Variants in JMJD1C observed in about 807,000 individuals in gnomAD.
JMJD1C encodes jumonji domain containing 1C.
Under a neutral mutation model 245.3 loss-of-function variants are expected in JMJD1C, and 31 were observed. That is an observed-to-expected ratio of 0.13 (90% CI 0.09 to 0.17). The LOEUF is 0.17. Among genes scored for constraint, JMJD1C ranks in the 10% least tolerant of loss-of-function variants. The pLI is 1.00. For missense variants in JMJD1C, 2,691 were observed against 3,000.2 expected, an observed-to-expected ratio of 0.90 and a Z score of 2.41; for synonymous variants, 1,057 against 1,017.4, an observed-to-expected ratio of 1.04 and a Z score of -0.74.
At chr10:63,170,424 G>T (rs1353989933) in intron 24 of JMJD1C, among the ~76,000 whole-genome samples, 6 of 152,212 alleles carry the variant, frequency 3.9e-5, no homozygotes, top group Admixed American at 2.6e-4. Flanking sequence ...GAGGGCTCCA[G>T]TCATCCATTT....
chr10:63,518,968 CAGTTG>C (rs748766606), intron 1 of JMJD1C, among the ~76,000 whole-genome samples: 3 of 152,204 alleles, frequency 2.0e-5, no homozygotes, highest in Non-Finnish European at 4.4e-5. Flanking sequence ...GATCACCCGC[CAGTTG>C]AGTTAACTTC....
At position 63,337,624 on chromosome 10, in the gene JMJD1C, AAAAAGAAAAG is replaced by A. The variant is rs1554892788; in HGVS notation, c.333+42684_333+42693del. ...AAAAGAAAAGAAAAGAAAAGAAAAG[AAAAAGAAAAG>A]AAAAAAAATCCGCTATTGTTCCTCA... On this transcript the variant is annotated intron_variant, in intron 2 of 25. Coordinates refer to ENST00000399262, the MANE Select transcript of JMJD1C (RefSeq NM_032776.3). Among the ~76,000 whole-genome samples the A allele has an allele frequency of 9.0e-4, 54 of 60,222 alleles. 2 individuals are homozygous for A. The highest frequency in any genetic ancestry group is 2.0e-3 in the African/African-American group (27 of 13,528). The allele number at this position is 60,222 out of a possible 152,430, so 39.5% of individuals were successfully genotyped here.
rs112188494 is a variant in JMJD1C at position 63,297,322 on chromosome 10, C to A, written c.334-32558G>T. Among the ~76,000 whole-genome samples the A allele has an allele frequency of 2.0e-5, 3 of 152,208 alleles. 1 individual carries two copies. The South Asian group carries it at 6.2e-4, about 32-fold the overall frequency. ...ATGGACCAGTCAGCATGCACTTCCT[C>A]CATTCTGAGCCTATAAAAACCCCGG... On this transcript the variant is annotated intron_variant, in intron 2 of 25. Coordinates refer to ENST00000399262, the MANE Select transcript of JMJD1C (RefSeq NM_032776.3).
intron 1 of JMJD1C, among the ~76,000 whole-genome samples, chr10:63,381,047 A>T (rs1283863868): frequency 6.6e-6 from 1 of 152,266 alleles, no homozygotes; most frequent in African/African-American, 2.4e-5. Flanking sequence ...ATGGGTAAAG[A>T]AAATGTGGTA....
intron 11 of JMJD1C, 39 bp from the exon 12 acceptor site, chr10:63,198,766 A>G: frequency 3.3e-6 from 4 of 1,199,366 alleles, no homozygotes; most frequent in Non-Finnish European, 4.7e-6. Flanking sequence ...GTACCCACAT[A>G]TTAAAACATA....
At chr10:63,301,002 G>A (rs1197434414) in intron 2 of JMJD1C, among the ~76,000 whole-genome samples, 1 of 152,032 alleles carries the variant, frequency 6.6e-6, no homozygotes. Context: ...TCCCAGGAAG[G>A]GCAATAAAAG....
chr10:63,352,425 G>T (rs1944439277), intron 2 of JMJD1C, among the ~76,000 whole-genome samples: 1 of 152,068 alleles, frequency 6.6e-6, no homozygotes, highest in Non-Finnish European at 1.5e-5. Flanking sequence ...ATCACTTGAG[G>T]CCAGGAGTTA....
At chr10:63,454,668 T>C (rs1301548598) in intron 1 of JMJD1C, among the ~76,000 whole-genome samples, 1 of 152,190 alleles carries the variant, frequency 6.6e-6, no homozygotes, top group African/African-American at 2.4e-5. Flanking sequence ...TGACCTCAAG[T>C]GATCCACCCA....
intron 2 of JMJD1C, among the ~76,000 whole-genome samples, chr10:63,330,672 T>C (rs1429249523): frequency 2.0e-5 from 3 of 152,188 alleles, no homozygotes; most frequent in African/African-American, 7.2e-5. Flanking sequence ...TTAGCCTACC[T>C]ATATCTCATT....
chr10:63,211,731 G>C (rs1035789961), intron 8 of JMJD1C, among the ~76,000 whole-genome samples: 1 of 140,798 alleles, frequency 7.1e-6, no homozygotes, highest in Non-Finnish European at 1.5e-5. Context: ...ATGACATTAA[G>C]ATGTTAAAAA....
chr10:63,482,170 A>T (rs935240753), intron 1 of JMJD1C, among the ~76,000 whole-genome samples: 10 of 152,148 alleles, frequency 6.6e-5, no homozygotes, highest in African/African-American at 2.2e-4. Flanking sequence ...GGAAAAAAAA[A>T]TTGGTTTCAT....
chr10:63,269,259 G>T, intron 2 of JMJD1C: 1 of 962,166 alleles, frequency 1.0e-6, no homozygotes, highest in Non-Finnish European at 1.2e-6. Context: ...AAGGGAAGAG[G>T]CGGTGCTCTG....
chr10:63,180,337 G>A (rs75018574), intron 22 of JMJD1C, among the ~76,000 whole-genome samples: 6 of 152,100 alleles, frequency 3.9e-5, no homozygotes, highest in East Asian at 1.9e-4. Context: ...TACTATGTGC[G>A]AGGCACTGTC....
At chr10:63,280,815 A>G (rs1435341051) in intron 2 of JMJD1C, among the ~76,000 whole-genome samples, 1 of 152,210 alleles carries the variant, frequency 6.6e-6, no homozygotes, top group East Asian at 1.9e-4. Context: ...TATTATTCAC[A>G]TGAACTGGCA....
At chr10:63,508,169 C>A (rs894144542) in intron 1 of JMJD1C, among the ~76,000 whole-genome samples, 1 of 152,162 alleles carries the variant, frequency 6.6e-6, no homozygotes, top group Non-Finnish European at 1.5e-5. Context: ...GGTGTAAGGT[C>A]TGTGTCTTGA....
intron 25 of JMJD1C, 43 bp from the exon 26 acceptor site, chr10:63,168,177 AAATT>A (rs749662144): frequency 3.6e-5 from 48 of 1,342,158 alleles, no homozygotes; most frequent in Middle Eastern, 1.8e-4. Flanking sequence ...AGTTCGACAG[AAATT>A]AATTAAAAAA....
chr10:63,411,518 C>T (rs1949476828), intron 1 of JMJD1C, among the ~76,000 whole-genome samples: 2 of 151,718 alleles, frequency 1.3e-5, no homozygotes, highest in African/African-American at 4.8e-5. Context: ...AGGCTGGTCT[C>T]GAACTCCTGA....
At chr10:63,467,170 AT>A (rs1448404900), upstream of JMJD1C, among the ~76,000 whole-genome samples, 1 of 152,212 alleles carries the variant, frequency 6.6e-6, no homozygotes, top group East Asian at 1.9e-4. Context: ...AGGAAGATGG[AT>A]TTTAATAATC....
At chr10:63,233,303 T>G (rs1850240167) in intron 3 of JMJD1C, among the ~76,000 whole-genome samples, 1 of 152,184 alleles carries the variant, frequency 6.6e-6, no homozygotes, top group African/African-American at 2.4e-5. Flanking sequence ...ATAACCTGAT[T>G]TACTTCTTAA....
Sources: allele counts gnomAD v4.1 joint callset (sites outside exome capture counted in the v4.1 genomes callset), GRCh38; gene constraint gnomAD v4.1.1; transcripts MANE v1.5; gene names NCBI Gene and HGNC (gene_info 2026-07-23, HGNC 2026-07-21).